Variants in AP4S1 observed in about 807,000 individuals in gnomAD.
AP4S1 encodes the protein adaptor related protein complex 4 subunit sigma 1, also known as AP-4 complex subunit sigma-1.
AP4S1 carries 23 observed loss-of-function variants against 19.8 expected under a neutral mutation model. The observed-to-expected ratio is 1.16, with a 90% CI of 0.84 to 1.65. The LOEUF is 1.65. Among genes scored for constraint, AP4S1 ranks in the 40% most tolerant of loss-of-function variants. The pLI is 0.00. For missense variants in AP4S1, 166 were observed against 172.8 expected, an observed-to-expected ratio of 0.96 and a Z score of 0.22; for synonymous variants, 46 against 54.1, an observed-to-expected ratio of 0.85 and a Z score of 0.66.
chr14:31,030,622 T>A (rs1268970308), intron 1 of AP4S1, among the ~76,000 whole-genome samples: 1 of 152,204 alleles, frequency 6.6e-6, no homozygotes, highest in Admixed American at 6.5e-5. Context: ...GTGGTAAGAT[T>A]ACAGGCATAA....
At position 31,028,596 on chromosome 14, in the gene AP4S1, TAC is replaced by T. The variant is rs112174443; in HGVS notation, c.-72+2831_-72+2832del. Among the ~76,000 whole-genome samples, 429 of 148,862 alleles carry T rather than the reference TAC, an allele frequency of 2.9e-3. 6 individuals carry two copies. The East Asian group carries it at 0.037, about 13-fold the overall frequency. On this transcript the variant is annotated intron_variant, in intron 1 of 5. Coordinates refer to ENST00000542754, the MANE Select transcript of AP4S1 (RefSeq NM_001128126.3). The stretch of plus-strand genomic sequence containing the variant: ...GCTGCCTCAAAGACATACACACACA[TAC>T]ACACACACACACACACACACAGAGA...
chr14:31,077,444 A>G (rs1254701857), intron 4 of AP4S1, among the ~76,000 whole-genome samples: 1 of 152,124 alleles, frequency 6.6e-6, no homozygotes, highest in East Asian at 1.9e-4. Context: ...AGGTTTGGCA[A>G]ACTCCTTCTT....
intron 2 of AP4S1, among the ~76,000 whole-genome samples, chr14:31,068,782 T>C (rs1432894514): frequency 6.6e-6 from 1 of 152,208 alleles, no homozygotes; most frequent in African/African-American, 2.4e-5. Flanking sequence ...TAATAGCAGC[T>C]TAGTTTTTAT....
intron 2 of AP4S1, among the ~76,000 whole-genome samples, chr14:31,068,393 A>G (rs1007400319): frequency 2.6e-5 from 4 of 152,224 alleles, no homozygotes; most frequent in African/African-American, 7.2e-5. Flanking sequence ...CAGAAATAAC[A>G]TGGTACAAAT....
intron 1 of AP4S1, among the ~76,000 whole-genome samples, chr14:31,040,907 T>G (rs908889094): frequency 6.6e-6 from 1 of 151,700 alleles, no homozygotes; most frequent in Admixed American, 6.6e-5. Context: ...ACCCCGTCTC[T>G]ACTAAAAATA....
chr14:31,058,945 A>C (rs1038567222), intron 1 of AP4S1, among the ~76,000 whole-genome samples: 1 of 151,726 alleles, frequency 6.6e-6, no homozygotes, highest in Non-Finnish European at 1.5e-5. Context: ...CACTCCCAAC[A>C]CTTGTCTAAG....
At chr14:31,057,003 G>A (rs1886157841) in intron 1 of AP4S1, among the ~76,000 whole-genome samples, 1 of 152,106 alleles carries the variant, frequency 6.6e-6, no homozygotes, top group Non-Finnish European at 1.5e-5. Flanking sequence ...GAGCCTGGGA[G>A]GTCAAAGTTG....
chr14:31,041,149 T>A (rs1232840030), intron 1 of AP4S1, among the ~76,000 whole-genome samples: 2 of 151,984 alleles, frequency 1.3e-5, no homozygotes, highest in Non-Finnish European at 2.9e-5. Flanking sequence ...TTTGTTTGTT[T>A]GTTTATTTTT....
At chr14:31,028,162 C>T (rs958151714) in intron 1 of AP4S1, among the ~76,000 whole-genome samples, 1 of 148,392 alleles carries the variant, frequency 6.7e-6, no homozygotes, top group African/African-American at 2.5e-5. Flanking sequence ...AGGACCATTT[C>T]TTCAAATTAT....
At chr14:31,066,449 TA>T in intron 2 of AP4S1, 115 bp downstream of exon 2, 1 of 1,347,058 alleles carries the variant, frequency 7.4e-7, no homozygotes, top group Non-Finnish European at 1.1e-6. Flanking sequence ...CAACAGCTAC[TA>T]AAGAAAATAA....
intron 5 of AP4S1, among the ~76,000 whole-genome samples, chr14:31,087,832 T>A (rs900275731): frequency 2.0e-5 from 3 of 152,202 alleles, no homozygotes; most frequent in Admixed American, 2.0e-4. Context: ...TGAAAAAATT[T>A]GAGAGTATCT....
At chr14:31,067,199 ACT>A (rs970377936) in intron 2 of AP4S1, among the ~76,000 whole-genome samples, 19 of 112,802 alleles carry the variant, frequency 1.7e-4, no homozygotes, top group African/African-American at 5.7e-4. Context: ...CAAGAGCAAA[ACT>A]CTGTCTCAAA....
chr14:31,030,650 G>A (rs746853776), intron 1 of AP4S1, among the ~76,000 whole-genome samples: 4 of 151,908 alleles, frequency 2.6e-5, no homozygotes, highest in Middle Eastern at 3.4e-3. Context: ...AGCCCAGCCC[G>A]TTTTTTTTAT....
rs1226099981 is a variant in AP4S1, at chr14:31,084,835, G to C, written c.306+4251G>C. On this transcript the variant is annotated intron_variant, in intron 5 of 5. Coordinates refer to ENST00000542754, the MANE Select transcript of AP4S1 (RefSeq NM_001128126.3). ...GCCCCAGCAGACTTGCTTTTCTCCA[G>C]ACAGTTCATCATTCAAAGGAGCTGC... 16 of 1,614,030 alleles carry C rather than the reference G, an allele frequency of 9.9e-6. No individual in the cohort carries two copies. Among genetic ancestry groups the C allele is most frequent in the Non-Finnish European group, 1.2e-5 (14 of 1,180,046 alleles).
chr14:31,077,779 A>G (rs1033796635), intron 4 of AP4S1, among the ~76,000 whole-genome samples: 2 of 135,364 alleles, frequency 1.5e-5, no homozygotes, highest in African/African-American at 5.7e-5. Context: ...CTCTGTCGCC[A>G]GGCTGGAGTG....
intron 1 of AP4S1, among the ~76,000 whole-genome samples, chr14:31,043,522 T>G (rs1276705071): frequency 6.6e-6 from 1 of 152,056 alleles, no homozygotes; most frequent in Non-Finnish European, 1.5e-5. Flanking sequence ...GAAGAGAATC[T>G]TACCTACACT....
chr14:31,031,787 C>G (rs919697659), intron 1 of AP4S1, among the ~76,000 whole-genome samples: 1 of 152,136 alleles, frequency 6.6e-6, no homozygotes. Context: ...AGCTCACGTT[C>G]GAAACTTCCT....
intron 1 of AP4S1, among the ~76,000 whole-genome samples, chr14:31,047,359 T>C (rs904767477): frequency 1.3e-5 from 2 of 151,650 alleles, no homozygotes; most frequent in African/African-American, 4.8e-5. Context: ...TGTTTGTTGG[T>C]TGGTTTTTAT....
At chr14:31,069,678 G>A (rs949036975) in intron 2 of AP4S1, among the ~76,000 whole-genome samples, 165 bp from the exon 3 acceptor site, 12 of 152,070 alleles carry the variant, frequency 7.9e-5, no homozygotes, top group Admixed American at 3.3e-4. Context: ...CTTCCAAGTG[G>A]TCCCCTGAAT....
Sources: gnomAD v4.1 joint callset for allele counts (sites outside exome capture counted in the v4.1 genomes callset) on GRCh38, gnomAD v4.1.1 for gene constraint, MANE v1.5 for transcripts, NCBI Gene and HGNC (gene_info 2026-07-23, HGNC 2026-07-21) for gene names.